The following ROBO2 variants were observed in gnomAD, a reference collection of about 807,000 sequenced individuals.
ROBO2 encodes the protein roundabout homolog 2.
Under a neutral mutation model 160.8 loss-of-function variants are expected in ROBO2, and 53 were observed. That is an observed-to-expected ratio of 0.33 (90% CI 0.26 to 0.41). The LOEUF is 0.41. Ranked by LOEUF, ROBO2 falls within the 10% of genes least tolerant of loss-of-function variation. The probability of loss-of-function intolerance (pLI) is 1.00; values close to 1 mark genes in which losing one functional copy is unlikely to be tolerated. For missense variants in ROBO2, 1,577 were observed against 1,722.4 expected, an observed-to-expected ratio of 0.92 and a Z score of 1.49; for synonymous variants, 664 against 611.7, an observed-to-expected ratio of 1.09 and a Z score of -1.26.
At chr3:76,884,415 A>T (rs550252900) in intron 2 of ROBO2, among the ~76,000 whole-genome samples, 1 of 152,330 alleles carries the variant, frequency 6.6e-6, no homozygotes, top group East Asian at 1.9e-4. Context: ...GTTCTCACAG[A>T]ACTCACTTTC....
intron 2 of ROBO2, among the ~76,000 whole-genome samples, chr3:76,288,284 T>C (rs1022629902): frequency 2.0e-4 from 30 of 152,202 alleles, no homozygotes; most frequent in African/African-American, 7.0e-4. Flanking sequence ...TAGGTTATTC[T>C]TGGATTCCTT....
At chr3:76,568,923 A>G (rs2084780019) in intron 2 of ROBO2, among the ~76,000 whole-genome samples, 1 of 152,220 alleles carries the variant, frequency 6.6e-6, no homozygotes, top group Non-Finnish European at 1.5e-5. Context: ...TAAATCTGCA[A>G]CTAAATAAAT....
intron 2 of ROBO2, among the ~76,000 whole-genome samples, chr3:76,798,259 G>GGAAAGGAA (rs1553909373): frequency 3.2e-5 from 3 of 94,198 alleles, no homozygotes; most frequent in Non-Finnish European, 6.3e-5. Flanking sequence ...AAAGAAAGAA[G>GGAAAGGAA]GAAAGAAAGA....
chr3:76,949,744 CAG>C (rs1325662032), intron 2 of ROBO2, among the ~76,000 whole-genome samples: 3 of 152,184 alleles, frequency 2.0e-5, no homozygotes, highest in African/African-American at 7.2e-5. Flanking sequence ...TTTGTTAAAA[CAG>C]GACACAGGCC....
At chr3:75,956,073 C>T (rs1420517042) in intron 2 of ROBO2, among the ~76,000 whole-genome samples, 1 of 151,776 alleles carries the variant, frequency 6.6e-6, no homozygotes. Context: ...ACTGTTGGCA[C>T]ATGATATGTT....
intron 2 of ROBO2, among the ~76,000 whole-genome samples, chr3:76,091,623 C>G (rs2108097360): frequency 6.6e-6 from 1 of 152,312 alleles, no homozygotes; most frequent in Admixed American, 6.5e-5. Flanking sequence ...AAAACCTGCA[C>G]ATGAATGTTT....
At chr3:77,365,415 G>T (rs902071809) in intron 2 of ROBO2, among the ~76,000 whole-genome samples, 2 of 152,016 alleles carry the variant, frequency 1.3e-5, no homozygotes, top group South Asian at 4.1e-4. Flanking sequence ...CTTGAATTTA[G>T]ATAAGAATTT....
At chr3:76,805,967 T>A (rs1037529478) in intron 2 of ROBO2, among the ~76,000 whole-genome samples, 1 of 151,946 alleles carries the variant, frequency 6.6e-6, no homozygotes, top group Non-Finnish European at 1.5e-5. Flanking sequence ...TTACATCTAG[T>A]CTTCTTCCTC....
At chr3:76,674,845 G>T (rs911926616) in intron 2 of ROBO2, among the ~76,000 whole-genome samples, 1 of 151,914 alleles carries the variant, frequency 6.6e-6, no homozygotes, top group Non-Finnish European at 1.5e-5. Flanking sequence ...AGAAAGTCTG[G>T]CTATTTCTTT....
intron 11 of ROBO2, among the ~76,000 whole-genome samples, 180 bp downstream of exon 12, chr3:77,563,509 A>T (rs1206811755): frequency 3.3e-5 from 5 of 152,158 alleles, no homozygotes; most frequent in African/African-American, 1.2e-4. Flanking sequence ...TTACAACTTA[A>T]TTATAAGATT....
At chr3:77,295,792 G>A (rs908885660) in intron 2 of ROBO2, among the ~76,000 whole-genome samples, 4 of 149,960 alleles carry the variant, frequency 2.7e-5, no homozygotes, top group Non-Finnish European at 5.9e-5. Context: ...ATGTTTAAAT[G>A]GGTAAGCTGA....
At chr3:76,643,317 T>C (rs2090796635) in intron 2 of ROBO2, among the ~76,000 whole-genome samples, 1 of 152,164 alleles carries the variant, frequency 6.6e-6, no homozygotes, top group South Asian at 2.1e-4. Flanking sequence ...AAATGTGAAT[T>C]ATGTGAGTAT....
chr3:76,674,096 A>G (rs78827420), intron 2 of ROBO2, among the ~76,000 whole-genome samples: 1,819 of 152,180 alleles, frequency 0.012, 46 homozygotes, highest in African/African-American at 0.041. Flanking sequence ...ACAAATTTCA[A>G]TCAGAGATAA....
chr3:76,058,589 CTTTTTTTT>C lies in ROBO2; in HGVS notation c.109+121005_109+121012del, dbSNP rs10676074. Among the ~76,000 whole-genome samples the C allele has an allele frequency of 1.4e-4, 7 of 48,860 alleles. No homozygotes were observed. The South Asian group carries it at 8.3e-3, about 58-fold the overall frequency. The allele number at this position is 48,860 out of a possible 152,430, so 32.1% of individuals were successfully genotyped here. Reference sequence around the variant, plus strand: ...CTATCACACGTCGAAACAGCAGAAACTTTTTTTTTTTTTTTTTTTTTTTTTGCTATTTG... The same window carrying C: ...CTATCACACGTCGAAACAGCAGAAACTTTTTTTTTTTTTTTTTGCTATTTG... On this transcript the variant is annotated intron_variant, in intron 2 of 26. Coordinates refer to the ROBO2 transcript ENST00000487694.
intron 2 of ROBO2, among the ~76,000 whole-genome samples, chr3:76,574,660 G>C (rs1174389231): frequency 4.6e-5 from 7 of 152,058 alleles, no homozygotes; most frequent in Non-Finnish European, 1.0e-4. Flanking sequence ...TTATGAATGT[G>C]AGCTAGGCTA....
chr3:77,369,540 A>T (rs994287271), intron 2 of ROBO2, among the ~76,000 whole-genome samples: 2 of 152,188 alleles, frequency 1.3e-5, no homozygotes, highest in African/African-American at 4.8e-5. Flanking sequence ...GGCAAGTTGC[A>T]TACTTACCTG....
exon 26 of ROBO2, chr3:77,648,276 T>C (rs2095426016): frequency 6.6e-6 from 1 of 152,190 alleles, no homozygotes; most frequent in Non-Finnish European, 1.5e-5. Flanking sequence ...TCCCTCTTTA[T>C]GTTTCTCTAT....
At position 76,938,971 on chromosome 3, in the gene ROBO2, C is replaced by CAAAAAAAAAAAAAAAA. The variant is rs71629626; in HGVS notation, c.110-159033_110-159018dup. On this transcript the variant is annotated intron_variant, in intron 2 of 26. Coordinates refer to the ROBO2 transcript ENST00000487694. ...GGGCGACAAGAGCAAAACTCAGTCT[C>CAAAAAAAAAAAAAAAA]AAAAAAAAAAAAAAAAAAAAAAAAA... Among the ~76,000 whole-genome samples, 52 of 114,578 alleles carry CAAAAAAAAAAAAAAAA rather than the reference C, an allele frequency of 4.5e-4. 1 individual carries two copies. Among genetic ancestry groups the CAAAAAAAAAAAAAAAA allele is most frequent in the African/African-American group, 1.6e-3 (50 of 31,832 alleles). The allele number at this position is 114,578 out of a possible 152,430, so 75.2% of individuals were successfully genotyped here. A position where few individuals can be genotyped will look rare whatever the true frequency, so the allele number is the denominator to read the frequency against.
intron 2 of ROBO2, among the ~76,000 whole-genome samples, chr3:76,884,994 T>A (rs2073734435): frequency 6.6e-6 from 1 of 152,072 alleles, no homozygotes; most frequent in Admixed American, 6.5e-5. Context: ...ATCAGACACC[T>A]GATTCAACTC....
Sources: gnomAD v4.1 joint callset for allele counts (sites outside exome capture counted in the v4.1 genomes callset) on GRCh38, gnomAD v4.1.1 for gene constraint, MANE v1.5 for transcripts, NCBI Gene and HGNC (gene_info 2026-07-23, HGNC 2026-07-21) for gene names.